The following ADGRD1 variants were observed in gnomAD, a reference collection of about 807,000 sequenced individuals.
ADGRD1 encodes G-protein coupled receptor 133.
ADGRD1 carries 77 observed loss-of-function variants against 113.4 expected under a neutral mutation model. The observed-to-expected ratio is 0.68, with a 90% CI of 0.57 to 0.82. The LOEUF (loss-of-function observed/expected upper bound fraction) is 0.82. Among genes scored for constraint, ADGRD1 ranks in the 40% least tolerant of loss-of-function variants. The probability of loss-of-function intolerance (pLI) is 0.00; values close to 1 mark genes in which losing one functional copy is unlikely to be tolerated. For synonymous variants in ADGRD1, 474 were observed against 475.0 expected (o/e 1.00, Z 0.03); for missense variants, 1,036 against 1,139.1 (o/e 0.91, Z 1.30).
chr12:130,960,486 G>A, intron 2 of ADGRD1, among the ~76,000 whole-genome samples: 1 of 152,064 alleles, frequency 6.6e-6, no homozygotes, highest in Non-Finnish European at 1.5e-5. Flanking sequence ...TTGAAGAAAT[G>A]GAAATTTGGC....
chr12:131,013,739 C>T (rs1336724041), intron 12 of ADGRD1, among the ~76,000 whole-genome samples: 1 of 152,154 alleles, frequency 6.6e-6, no homozygotes, highest in Non-Finnish European at 1.5e-5. Flanking sequence ...GGCCACTGCA[C>T]CATCCTATAA....
chr12:131,083,360 G>A (rs1432821992), intron 14 of ADGRD1, among the ~76,000 whole-genome samples: 2 of 151,996 alleles, frequency 1.3e-5, no homozygotes, highest in African/African-American at 2.4e-5. Flanking sequence ...CTAGTACTTT[G>A]GGAGGCTGAG....
chr12:131,103,657 G>A (rs1229098118), intron 15 of ADGRD1, among the ~76,000 whole-genome samples: 3 of 152,222 alleles, frequency 2.0e-5, no homozygotes, highest in South Asian at 2.1e-4. Context: ...ACTCAGAGTG[G>A]CCTCCTTTTG....
At chr12:131,043,271 G>A (rs2136995160) in intron 13 of ADGRD1, among the ~76,000 whole-genome samples, 1 of 152,310 alleles carries the variant, frequency 6.6e-6, no homozygotes, top group South Asian at 2.1e-4. Flanking sequence ...CTGGGGAGAG[G>A]CCTTACTACC....
intron 5 of ADGRD1, 59 bp from the exon 6 acceptor site, chr12:130,987,036 C>G: frequency 6.6e-7 from 1 of 1,507,132 alleles, no homozygotes; most frequent in Non-Finnish European, 9.2e-7. Context: ...CAGGAAAAAC[C>G]TGTGCATGGG....
chr12:131,017,542 GCA>G (rs368424123), intron 13 of ADGRD1, among the ~76,000 whole-genome samples: 18 of 115,270 alleles, frequency 1.6e-4, no homozygotes, highest in Admixed American at 6.8e-4. Context: ...CACACCCAGT[GCA>G]CACACACTCA....
At chr12:130,990,010 A>G (rs993167634) in intron 6 of ADGRD1, 1 of 152,260 alleles carries the variant, frequency 6.6e-6, no homozygotes, top group African/African-American at 2.4e-5. Context: ...TTTTCACCCC[A>G]GTCTCCATGG....
chr12:130,992,948 G>C (rs1270970624), intron 8 of ADGRD1, among the ~76,000 whole-genome samples: 1 of 152,184 alleles, frequency 6.6e-6, no homozygotes, highest in Non-Finnish European at 1.5e-5. Context: ...TTTAGGGCTA[G>C]GGCTTATCTT....
At position 131,070,549 on chromosome 12, in the gene ADGRD1, G is replaced by A. The variant is rs550977335; in HGVS notation, c.1474-6252G>A. ...CCCTGGGGCTTCTGTAGGGAGAGGCGGTCTGAGACGCGCTTTAGAAGTTGA... is the reference window on the plus strand; with the variant it reads ...CCCTGGGGCTTCTGTAGGGAGAGGCAGTCTGAGACGCGCTTTAGAAGTTGA... On this transcript the variant is annotated intron_variant, in intron 13 of 24. Coordinates refer to ENST00000261654, the MANE Select transcript of ADGRD1 (RefSeq NM_198827.5). The A allele has an allele frequency of 4.1e-4, 84 of 206,224 alleles. 1 individual carries two copies. Among genetic ancestry groups the A allele is most frequent in the African/African-American group, 1.7e-3 (75 of 43,718 alleles). 12.8% of individuals were successfully genotyped at this position (206,224 alleles called of 1,614,324 possible).
chr12:131,131,477 G>A (rs534296618), intron 20 of ADGRD1, among the ~76,000 whole-genome samples: 20 of 152,346 alleles, frequency 1.3e-4, no homozygotes, highest in African/African-American at 4.8e-4. Context: ...GCCCGGATGT[G>A]TTCCTGGGAC....
At position 131,120,892 on chromosome 12, in the gene ADGRD1, C is replaced by T; in HGVS notation, c.2154C>T (p.Ala718=). The change falls in exon 20 of 25, where the codon GCC becomes GCT. Residue 718 remains alanine, a synonymous_variant. Coordinates refer to ENST00000261654, the MANE Select transcript of ADGRD1 (RefSeq NM_198827.5). ...GTGGCGCCATCTGGGCCTTTGTAGCCCCTGCCCTGTTTGTCATCGTGGTAC... is the reference window on the plus strand; with the variant it reads ...GTGGCGCCATCTGGGCCTTTGTAGCTCCTGCCCTGTTTGTCATCGTGGTAC... ...LASGAIWAFV[A]PALFVIVVNI... is the part of the protein sequence containing the mutation. 2 of 1,614,138 alleles carry T rather than the reference C, an allele frequency of 1.2e-6. No homozygotes were observed. The highest frequency in any genetic ancestry group is 1.1e-5 in the South Asian group (1 of 91,078).
chr12:131,097,203 A>G (rs764989224), intron 15 of ADGRD1, among the ~76,000 whole-genome samples: 2 of 152,188 alleles, frequency 1.3e-5, no homozygotes, highest in Non-Finnish European at 2.9e-5. Flanking sequence ...CCCCAGACTG[A>G]TGCACAAGCT....
chr12:131,130,609 G>A (rs910069664), intron 20 of ADGRD1, among the ~76,000 whole-genome samples: 3 of 152,254 alleles, frequency 2.0e-5, no homozygotes, highest in Non-Finnish European at 4.4e-5. Context: ...CACAGAAGGT[G>A]GCTTCAAGGC....
chr12:131,123,314 G>A (rs1002859900), intron 20 of ADGRD1, among the ~76,000 whole-genome samples: 1 of 151,312 alleles, frequency 6.6e-6, no homozygotes, highest in Non-Finnish European at 1.5e-5. Context: ...CAAAGTGCTG[G>A]GACTGCAGGC....
intron 12 of ADGRD1, among the ~76,000 whole-genome samples, chr12:131,007,137 C>T (rs531403222): frequency 2.6e-5 from 4 of 152,326 alleles, no homozygotes; most frequent in Admixed American, 2.0e-4. Flanking sequence ...CGGCCCACAA[C>T]GTCACAAAGG....
At chr12:130,986,309 T>C (rs555797369) in intron 5 of ADGRD1, among the ~76,000 whole-genome samples, 1 of 152,288 alleles carries the variant, frequency 6.6e-6, no homozygotes, top group South Asian at 2.1e-4. Context: ...TTTATTTAGT[T>C]CTTGTTTAAT....
At chr12:131,049,134 CCTTT>C (rs963817721) in intron 13 of ADGRD1, among the ~76,000 whole-genome samples, 2 of 152,210 alleles carry the variant, frequency 1.3e-5, no homozygotes. Flanking sequence ...GGTGCCTGCT[CCTTT>C]GTGGATTAGC....
At position 131,096,874 on chromosome 12, in the gene ADGRD1, C is replaced by A. The variant is rs1370626309; in HGVS notation, c.1672-7957C>A. ...CCTGCCTCCTGCTGCCCGGCTCTGC[C>A]TCCCACGGCCGACCACTGTGCTGAG... On this transcript the variant is annotated intron_variant, in intron 15 of 24. Coordinates refer to ENST00000261654, the MANE Select transcript of ADGRD1 (RefSeq NM_198827.5). This position sits in a 1 kb window ranked among gnomAD's most constrained non-coding sequence, Gnocchi z 5.2. Among the ~76,000 whole-genome samples, 3 of 152,204 alleles carry A rather than the reference C, an allele frequency of 2.0e-5. No individual in the cohort carries two copies. Among genetic ancestry groups the A allele is most frequent in the Non-Finnish European group, 2.9e-5 (2 of 68,038 alleles).
chr12:131,016,892 CA>C (rs11401802), intron 13 of ADGRD1, among the ~76,000 whole-genome samples: 13 of 145,032 alleles, frequency 9.0e-5, no homozygotes, highest in Non-Finnish European at 1.7e-4. Context: ...GACTCTGCCT[CA>C]AAAAAAAAAA....
Sources: allele counts gnomAD v4.1 joint callset (sites outside exome capture counted in the v4.1 genomes callset), GRCh38; gene constraint gnomAD v4.1.1; non-coding constraint Gnocchi (gnomAD v3.1); transcripts MANE v1.5; gene names NCBI Gene and HGNC (gene_info 2026-07-23, HGNC 2026-07-21).